RFX4: variants seen among roughly 807,000 people sequenced by gnomAD.
The protein encoded by RFX4 is transcription factor RFX4.
Under a neutral mutation model 95.0 loss-of-function variants are expected in RFX4, and 10 were observed. The observed-to-expected ratio is 0.11, with a 90% CI of 0.06 to 0.18. RFX4 has a LOEUF of 0.18. Among genes scored for constraint, RFX4 ranks in the 10% least tolerant of loss-of-function variants. The pLI is 1.00. For synonymous variants in RFX4, 321 were observed against 340.7 expected, an observed-to-expected ratio of 0.94 and a Z score of 0.64; for missense variants, 640 against 922.0, an observed-to-expected ratio of 0.69 and a Z score of 3.96.
intron 8 of RFX4, among the ~76,000 whole-genome samples, chr12:106,701,706 G>A (rs1440814259): frequency 6.6e-6 from 1 of 152,070 alleles, no homozygotes; most frequent in African/African-American, 2.4e-5. Flanking sequence ...TTGTTTTTAT[G>A]TCAATTTCTA....
intron 16 of RFX4, among the ~76,000 whole-genome samples, chr12:106,749,745 C>A (rs182860026): frequency 6.6e-6 from 1 of 152,128 alleles, no homozygotes; most frequent in Admixed American, 6.5e-5. Flanking sequence ...AATGACCGTG[C>A]GCAGCATTTT....
Position 106,703,320 on chromosome 12 carries a change from G to A in RFX4, c.834-6010G>A, listed in dbSNP as rs192242155. Among the ~76,000 whole-genome samples the A allele has an allele frequency of 2.0e-4, 31 of 152,282 alleles. 1 individual carries two copies. Among genetic ancestry groups the A allele is most frequent in the Admixed American group, 8.5e-4 (13 of 15,300 alleles). On this transcript the variant is annotated intron_variant, in intron 8 of 17. Coordinates refer to ENST00000392842, the MANE Select transcript of RFX4 (RefSeq NM_213594.3). Reference sequence around the variant, plus strand: ...CGGCTTTCCACATTGTAGATGGAACGGAAACACACCCAAATAGGTTAACAA... The same window carrying A: ...CGGCTTTCCACATTGTAGATGGAACAGAAACACACCCAAATAGGTTAACAA...
At position 106,733,297 on chromosome 12, in the gene RFX4, T is replaced by C. The variant is rs116609593; in HGVS notation, c.1633+212T>C. 8.5e-4 allele frequency: 418 copies of C among 493,540 alleles called. 2 individuals are homozygous for C. The highest frequency in any genetic ancestry group is 8.1e-3 in the East Asian group (248 of 30,650). The allele number at this position is 493,540 out of a possible 1,614,324, so 30.6% of individuals were successfully genotyped here. On this transcript the variant is annotated intron_variant, in intron 15 of 17. Transcript: ENST00000392842. ...TCGCACCACTGCATTCTAGCCTTAG[T>C]GATACAGTGAGACCTTGTCTCAAAA...
At chr12:106,633,311 C>T (rs1480657496) in intron 2 of RFX4, among the ~76,000 whole-genome samples, 2 of 152,180 alleles carry the variant, frequency 1.3e-5, no homozygotes, top group African/African-American at 4.8e-5. Context: ...TAGTGAGGTC[C>T]TGTTTCCATT....
intron 13 of RFX4, among the ~76,000 whole-genome samples, chr12:106,725,840 C>G (rs2042484596): frequency 6.6e-6 from 1 of 151,588 alleles, no homozygotes; most frequent in Non-Finnish European, 1.5e-5. Context: ...GTCTCTTCCT[C>G]CAAAAAAAAT....
chr12:106,655,642 A>G (rs2040943103), intron 4 of RFX4, among the ~76,000 whole-genome samples: 1 of 152,232 alleles, frequency 6.6e-6, no homozygotes, highest in African/African-American at 2.4e-5. Flanking sequence ...TGGAAAGCCC[A>G]GATGAGGCCT....
intron 17 of RFX4, among the ~76,000 whole-genome samples, chr12:106,757,547 CAAA>C (rs559762867): frequency 8.8e-5 from 5 of 56,572 alleles, no homozygotes; most frequent in Non-Finnish European, 3.7e-5. Flanking sequence ...GACCCTGTCT[CAAA>C]AAAAAAAAAA....
At chr12:106,721,554 T>C (rs1027869523) in intron 13 of RFX4, among the ~76,000 whole-genome samples, 5 of 152,118 alleles carry the variant, frequency 3.3e-5, no homozygotes, top group African/African-American at 1.2e-4. Context: ...TGTAGGACAG[T>C]TTTCTACTTT....
chr12:106,730,503 T>A (rs192547645), intron 13 of RFX4, among the ~76,000 whole-genome samples: 32 of 152,336 alleles, frequency 2.1e-4, no homozygotes, highest in African/African-American at 7.5e-4. Flanking sequence ...ATGAAGAGAC[T>A]CATTTCCTCA....
chr12:106,706,450 G>A (rs1394119866), intron 8 of RFX4, among the ~76,000 whole-genome samples: 1 of 152,192 alleles, frequency 6.6e-6, no homozygotes, highest in Non-Finnish European at 1.5e-5. Context: ...CCTGAACTAG[G>A]GAGAAAAGGG....
intron 3 of RFX4, among the ~76,000 whole-genome samples, chr12:106,645,344 C>A (rs1425839142): frequency 6.6e-6 from 1 of 151,616 alleles, no homozygotes; most frequent in Non-Finnish European, 1.5e-5. Context: ...CAACACATGC[C>A]CCCTCCGTGC....
In RFX4 at chr12:106,624,445, C is replaced by T. The variant is rs981699094; in HGVS notation, c.131-14887C>T. ...GTTCAAGCAATTCTCCTGCCTCAGC[C>T]TTCCGAGCAGCTGGGACTACAGGAG... is the stretch of plus-strand genomic sequence containing the variant. On this transcript the variant is annotated intron_variant, in intron 2 of 17. Coordinates refer to ENST00000392842, the MANE Select transcript of RFX4 (RefSeq NM_213594.3). Among the ~76,000 whole-genome samples, 5 of 152,188 alleles carry T rather than the reference C, an allele frequency of 3.3e-5. No homozygotes were observed. In the East Asian group the frequency reaches 7.7e-4, roughly 23 times the overall value.
At chr12:106,709,025 C>T (rs879498164) in intron 8 of RFX4, among the ~76,000 whole-genome samples, 1 of 152,130 alleles carries the variant, frequency 6.6e-6, no homozygotes, top group Non-Finnish European at 1.5e-5. Flanking sequence ...CTGTCTTCAC[C>T]CCTCACACAA....
At chr12:106,661,115 C>T (rs1214335534) in intron 4 of RFX4, among the ~76,000 whole-genome samples, 4 of 152,194 alleles carry the variant, frequency 2.6e-5, no homozygotes, top group Admixed American at 2.0e-4. Flanking sequence ...ACTTGAGGAT[C>T]TTTCACCCTT....
At chr12:106,754,285 C>T (rs2043068127) in intron 17 of RFX4, among the ~76,000 whole-genome samples, 2 of 152,336 alleles carry the variant, frequency 1.3e-5, no homozygotes, top group East Asian at 1.9e-4. Flanking sequence ...GCACTCTGTG[C>T]TCCTCACTGT....
In RFX4 at chr12:106,762,470, G is replaced by A. The variant is rs1402016560; in HGVS notation, c.*1001G>A. The A allele has an allele frequency of 1.3e-5, 2 of 152,570 alleles. No homozygotes were observed. The highest frequency in any genetic ancestry group is 4.8e-5 in the African/African-American group (2 of 41,426). The allele number at this position is 152,570 out of a possible 1,614,324, so 9.5% of individuals were successfully genotyped here. On this transcript the variant is annotated 3_prime_UTR_variant, in exon 18 of 18. Coordinates refer to ENST00000392842, the MANE Select transcript of RFX4 (RefSeq NM_213594.3). ...TGAGCCTATACTATACTGTGTATGT[G>A]TGGAAATAAAAATGTATTGTACTTT...
rs562081787 is a variant in RFX4 at position 106,619,102 on chromosome 12, C to T, written c.130+10219C>T. Among the ~76,000 whole-genome samples the T allele has an allele frequency of 4.6e-5, 7 of 152,264 alleles. No individual in the cohort carries two copies. In the South Asian group the frequency reaches 1.5e-3, roughly 32 times the overall value. On this transcript the variant is annotated intron_variant, in intron 2 of 17. Transcript: ENST00000392842. ...GGATACATCTTGTACAAGTGTTATACACCCCACAAGGCATAATTATTATTG... is the reference window on the plus strand; with the variant it reads ...GGATACATCTTGTACAAGTGTTATATACCCCACAAGGCATAATTATTATTG...
rs2042642350 is a variant in RFX4 at position 106,733,002 on chromosome 12, A to C, written c.1550A>C (p.Lys517Thr). Residue 517 changes from lysine (K) to threonine (T), a missense_variant, in exon 15 of 18, where the codon AAA (lysine) becomes ACA (threonine). Physicochemically the swap from Lys to Thr is moderately conservative, Grantham distance 78 (BLOSUM62 -1). Around this residue, in one of 7 missense-constraint regions of RFX4, gnomAD observed 300 missense variants for 346.8 expected, o/e 0.87. Coordinates refer to ENST00000392842, the MANE Select transcript of RFX4 (RefSeq NM_213594.3). ...CCAGTGCCATCGTTTTCTCCAGCAAAATCTGCCACATCTGTGGAAGTGCCA... is the reference window on the plus strand; with the variant it reads ...CCAGTGCCATCGTTTTCTCCAGCAACATCTGCCACATCTGTGGAAGTGCCA... ...PSPVPSFSPA[K>T]SATSVEVPPP... 1.2e-6 allele frequency: 2 copies of C among 1,614,134 alleles called. No individual in the cohort carries two copies. Among genetic ancestry groups the C allele is most frequent in the African/African-American group, 2.7e-5 (2 of 75,020 alleles).
At chr12:106,658,964 C>G (rs78341103) in intron 4 of RFX4, among the ~76,000 whole-genome samples, 1 of 152,176 alleles carries the variant, frequency 6.6e-6, no homozygotes, top group Non-Finnish European at 1.5e-5. Context: ...AAAAGCAGAA[C>G]TGGCAGATAG....
Sources: gnomAD v4.1 joint callset for allele counts (sites outside exome capture counted in the v4.1 genomes callset) on GRCh38, gnomAD v4.1.1 for gene constraint, gnomAD v4.1.1 regional missense constraint, MANE v1.5 for transcripts, NCBI Gene and HGNC (gene_info 2026-07-23, HGNC 2026-07-21) for gene names.